SHC3: variants seen among roughly 807,000 people sequenced by gnomAD.
SHC3 encodes SHC adaptor protein 3.
In SHC3, 15 loss-of-function variants were observed where a neutral mutation model predicts 60.4. That is an observed-to-expected ratio of 0.25 (90% CI 0.17 to 0.38). The LOEUF (loss-of-function observed/expected upper bound fraction) is 0.38. Among genes scored for constraint, SHC3 ranks in the 10% least tolerant of loss-of-function variants. The pLI, the probability that SHC3 is intolerant of heterozygous loss-of-function variation, is 1.00. For synonymous variants in SHC3, 294 were observed against 325.9 expected, an observed-to-expected ratio of 0.90 and a Z score of 1.05; for missense variants, 677 against 786.1, an observed-to-expected ratio of 0.86 and a Z score of 1.66.
rs1266496145 is a variant in SHC3 at position 89,010,844 on chromosome 9, A to C, written c.*2603T>G. The C allele has an allele frequency of 6.6e-6, 1 of 152,290 alleles. No individual in the cohort carries two copies. The highest frequency in any genetic ancestry group is 1.5e-5 in the Non-Finnish European group (1 of 68,078). The allele number at this position is 152,290 out of a possible 1,614,324, so 9.4% of individuals were successfully genotyped here. A position where few individuals can be genotyped will look rare whatever the true frequency, so the allele number is the denominator to read the frequency against. On this transcript the variant is annotated 3_prime_UTR_variant, in exon 12 of 12. Coordinates refer to ENST00000375835, the MANE Select transcript of SHC3 (RefSeq NM_016848.6). ...CTGAGCTCAAAGCACAGGCTGGCAC[A>C]CAGCAGGGCTCACGAAATGCTGAGT...
intron 1 of SHC3, among the ~76,000 whole-genome samples, chr9:89,159,067 G>T (rs1433489528): frequency 6.6e-6 from 1 of 151,438 alleles, no homozygotes; most frequent in African/African-American, 2.5e-5. Flanking sequence ...TTTGAGAAAA[G>T]AATGTGTGAC....
intron 1 of SHC3, among the ~76,000 whole-genome samples, chr9:89,156,552 T>G (rs1826626166): frequency 6.6e-6 from 1 of 151,990 alleles, no homozygotes; most frequent in Non-Finnish European, 1.5e-5. Context: ...AAATAAAAAC[T>G]TAATAAACCA....
chr9:89,155,919 A>G (rs1040869191), intron 1 of SHC3, among the ~76,000 whole-genome samples: 1 of 152,180 alleles, frequency 6.6e-6, no homozygotes, highest in Non-Finnish European at 1.5e-5. Flanking sequence ...CATCAATGGG[A>G]CTGATTCTTA....
chr9:89,144,693 A>G (rs1419931189), intron 1 of SHC3, among the ~76,000 whole-genome samples: 1 of 152,230 alleles, frequency 6.6e-6, no homozygotes, highest in Non-Finnish European at 1.5e-5. Flanking sequence ...TAAATATAAC[A>G]TCAACTCATC....
At chr9:89,098,220 A>G (rs950552779) in intron 2 of SHC3, among the ~76,000 whole-genome samples, 72 of 152,258 alleles carry the variant, frequency 4.7e-4, no homozygotes, top group African/African-American at 1.7e-3. Flanking sequence ...AAGGCTAAAG[A>G]ACTATTCCAG....
intron 11 of SHC3, among the ~76,000 whole-genome samples, chr9:89,021,623 G>A (rs568642527): frequency 3.9e-5 from 6 of 152,322 alleles, no homozygotes; most frequent in Non-Finnish European, 8.8e-5. Context: ...TGGATGCCAG[G>A]GCTCACCTGC....
At position 89,108,287 on chromosome 9, in the gene SHC3, T is replaced by C. The variant is rs141893962; in HGVS notation, c.545+4269A>G. ...CAGCACTTTGGGAGGCTGAGGTGAATGGATCACTTGAGCCCAGGAGTTAGA... is the reference window on the plus strand; with the variant it reads ...CAGCACTTTGGGAGGCTGAGGTGAACGGATCACTTGAGCCCAGGAGTTAGA... On this transcript the variant is annotated intron_variant, in intron 2 of 11. Coordinates refer to ENST00000375835, the MANE Select transcript of SHC3 (RefSeq NM_016848.6). Among the ~76,000 whole-genome samples the C allele has an allele frequency of 1.5e-3, 233 of 151,582 alleles. 1 individual carries two copies. The highest frequency in any genetic ancestry group is 5.3e-3 in the African/African-American group (219 of 41,264).
intron 2 of SHC3, among the ~76,000 whole-genome samples, chr9:89,089,925 C>T (rs1359488790): frequency 6.6e-6 from 1 of 152,304 alleles, no homozygotes; most frequent in African/African-American, 2.4e-5. Flanking sequence ...AGAGGCCTGC[C>T]GGGCAGGGCC....
At chr9:89,015,633 G>A (rs1331180) in intron 11 of SHC3, among the ~76,000 whole-genome samples, 1 of 152,156 alleles carries the variant, frequency 6.6e-6, no homozygotes, top group Non-Finnish European at 1.5e-5. Flanking sequence ...TCTGGCTTCT[G>A]CCCAGAGAAC....
At chr9:89,087,349 CTAA>C (rs1587719105) in intron 2 of SHC3, among the ~76,000 whole-genome samples, 2 of 152,284 alleles carry the variant, frequency 1.3e-5, no homozygotes, top group East Asian at 3.9e-4. Flanking sequence ...TTAGGAGAAA[CTAA>C]TGTGGAAATA....
chr9:89,169,791 T>C (rs890052685), intron 1 of SHC3, among the ~76,000 whole-genome samples: 2 of 152,202 alleles, frequency 1.3e-5, no homozygotes, highest in Non-Finnish European at 2.9e-5. Context: ...CCATTCTCTC[T>C]ATTTTGTTGT....
chr9:89,107,501 C>G (rs1017803382), intron 2 of SHC3, among the ~76,000 whole-genome samples: 15 of 152,228 alleles, frequency 9.9e-5, no homozygotes, highest in African/African-American at 3.6e-4. Context: ...CTACTTTATT[C>G]CAAAGGCGGG....
At chr9:89,068,728 T>C (rs1208898289) in intron 5 of SHC3, among the ~76,000 whole-genome samples, 1 of 152,116 alleles carries the variant, frequency 6.6e-6, no homozygotes, top group African/African-American at 2.4e-5. Flanking sequence ...CCTATGTGCA[T>C]CCTGAAAATA....
chr9:89,061,220 A>C (rs1825084422), intron 6 of SHC3, among the ~76,000 whole-genome samples: 1 of 152,234 alleles, frequency 6.6e-6, no homozygotes, highest in Non-Finnish European at 1.5e-5. Context: ...GTTAAAAAAA[A>C]TAAGCCATTG....
intron 6 of SHC3, among the ~76,000 whole-genome samples, chr9:89,053,615 G>T (rs1364035680): frequency 1.3e-5 from 2 of 152,160 alleles, no homozygotes; most frequent in Non-Finnish European, 2.9e-5. Context: ...TTTCTGCTTT[G>T]GGGGGCAATG....
intron 11 of SHC3, among the ~76,000 whole-genome samples, chr9:89,028,084 T>C (rs1242914795): frequency 6.6e-6 from 1 of 152,226 alleles, no homozygotes; most frequent in Non-Finnish European, 1.5e-5. Context: ...GAAGAACTCT[T>C]GGGAGGCACC....
At chr9:89,139,547 C>T (rs140097281) in intron 1 of SHC3, among the ~76,000 whole-genome samples, 18 of 152,268 alleles carry the variant, frequency 1.2e-4, no homozygotes, top group African/African-American at 4.3e-4. Flanking sequence ...CCTCAAATAC[C>T]TATGAGTTGT....
Position 89,015,394 on chromosome 9 carries a change from T to A in SHC3, c.1657-1819A>T, listed in dbSNP as rs189094556. ...CTCACCTCCAATACTCCTGAGGACC[T>A]TTTAGTAGCCACAGCCCAGGCCCCA... is the stretch of plus-strand genomic sequence containing the variant. On this transcript the variant is annotated intron_variant, in intron 11 of 11. Transcript: ENST00000375835. Among the ~76,000 whole-genome samples the A allele has an allele frequency of 7.2e-5, 11 of 152,332 alleles. No individual in the cohort carries two copies. The East Asian group carries it at 1.9e-3, about 27-fold the overall frequency.
In SHC3 at chr9:89,013,191, A is replaced by G; in HGVS notation, c.*256T>C. 1 of 300,250 alleles carries G rather than the reference A, an allele frequency of 3.3e-6. No homozygotes were observed. Among genetic ancestry groups the G allele is most frequent in the Non-Finnish European group, 6.0e-6 (1 of 166,864 alleles). 18.6% of individuals were successfully genotyped at this position (300,250 alleles called of 1,614,324 possible). A position where few individuals can be genotyped will look rare whatever the true frequency, so the allele number is the denominator to read the frequency against. On this transcript the variant is annotated 3_prime_UTR_variant, in exon 12 of 12. Transcript: ENST00000375835. ...ATACAGCACAGAACATTAGTCTTAC[A>G]TCTTTCTTAGTCTTAAAAAATATAA...
Sources: allele counts gnomAD v4.1 joint callset (sites outside exome capture counted in the v4.1 genomes callset), GRCh38; gene constraint gnomAD v4.1.1; transcripts MANE v1.5; gene names NCBI Gene and HGNC (gene_info 2026-07-23, HGNC 2026-07-21).